The following IQGAP2 variants were observed in gnomAD, a reference collection of about 807,000 sequenced individuals.
IQGAP2 encodes IQ motif containing GTPase activating protein 2.
Under a neutral mutation model 201.3 loss-of-function variants are expected in IQGAP2, and 173 were observed. The ratio of observed to expected loss-of-function variants is 0.86; its 90% CI spans 0.76 to 0.98. The LOEUF (loss-of-function observed/expected upper bound fraction) is 0.98. IQGAP2 is among the 50% of genes least tolerant of loss of function. The probability of loss-of-function intolerance (pLI) is 0.00; values close to 1 mark genes in which losing one functional copy is unlikely to be tolerated. For synonymous variants in IQGAP2, 675 were observed against 673.9 expected, an observed-to-expected ratio of 1.00 and a Z score of -0.03; for missense variants, 1,687 against 1,864.8, an observed-to-expected ratio of 0.90 and a Z score of 1.76.
chr5:76,695,346 T>G (rs1746625963), intron 31 of IQGAP2, 108 bp from the exon 32 acceptor site: 1 of 864,464 alleles, frequency 1.2e-6, no homozygotes, highest in Non-Finnish European at 1.8e-6. Flanking sequence ...TCTCTGAACT[T>G]TGGCTGGAGG....
rs561212492 is a variant in IQGAP2, at chr5:76,403,888, T to C, written c.46+297T>C. Among the ~76,000 whole-genome samples, 2 of 152,132 alleles carry C rather than the reference T, an allele frequency of 1.3e-5. No individual in the cohort carries two copies. Among genetic ancestry groups the C allele is most frequent in the East Asian group, 3.9e-4 (2 of 5,148 alleles). The stretch of plus-strand genomic sequence containing the variant: ...CGCTCTGGGACAGACCAGGTTGGGA[T>C]TTTAGGGGTATCAGGTGAGGAGTCC... On this transcript the variant is annotated intron_variant, in intron 1 of 35. Coordinates refer to ENST00000274364, the MANE Select transcript of IQGAP2 (RefSeq NM_006633.5). This position sits in a 1 kb window ranked among gnomAD's most constrained non-coding sequence, Gnocchi z 4.8.
At chr5:76,668,589 C>T in intron 22 of IQGAP2, 92 bp from the exon 23 acceptor site, 1 of 972,644 alleles carries the variant, frequency 1.0e-6, no homozygotes, top group Non-Finnish European at 1.6e-6. Context: ...CATTGAAGAG[C>T]AGGGAATCAG....
At chr5:76,572,296 C>T (rs1745168248) in intron 4 of IQGAP2, among the ~76,000 whole-genome samples, 1 of 151,452 alleles carries the variant, frequency 6.6e-6, no homozygotes, top group Admixed American at 6.6e-5. Context: ...TCACTGCAAC[C>T]TCCGCCTCCC....
rs369846123 is a variant in IQGAP2, at chr5:76,483,929, T to A, written c.146+22260T>A. Among the ~76,000 whole-genome samples, 20 of 152,254 alleles carry A rather than the reference T, an allele frequency of 1.3e-4. No homozygotes were observed. The East Asian group carries it at 2.9e-3, about 22-fold the overall frequency. On this transcript the variant is annotated intron_variant, in intron 2 of 35. Coordinates refer to ENST00000274364, the MANE Select transcript of IQGAP2 (RefSeq NM_006633.5). ...GCAAGGGTCAAGGGAATAATAGCTT[T>A]TCCTTCTTCCTGAGAAGCCTTCTAG...
At chr5:76,481,337 C>T (rs1755783264) in intron 2 of IQGAP2, among the ~76,000 whole-genome samples, 1 of 151,960 alleles carries the variant, frequency 6.6e-6, no homozygotes, top group South Asian at 2.1e-4. Flanking sequence ...TTTATTTAAC[C>T]TAGTATATCC....
intron 2 of IQGAP2, among the ~76,000 whole-genome samples, chr5:76,548,437 G>A (rs1204300961): frequency 9.9e-5 from 15 of 152,234 alleles, no homozygotes; most frequent in Admixed American, 9.8e-4. Flanking sequence ...TTTAGTTTTA[G>A]AAAAGGTTTC....
At chr5:76,466,004 C>A (rs1243140004) in intron 2 of IQGAP2, among the ~76,000 whole-genome samples, 6 of 150,934 alleles carry the variant, frequency 4.0e-5, no homozygotes, top group Non-Finnish European at 1.5e-5. Flanking sequence ...CAGCTGCCTT[C>A]TTTTTTTTTA....
intron 2 of IQGAP2, among the ~76,000 whole-genome samples, chr5:76,525,250 G>A (rs975962883): frequency 2.6e-5 from 4 of 152,310 alleles, no homozygotes; most frequent in African/African-American, 9.6e-5. Flanking sequence ...ATTGTTTGCT[G>A]ATGGAAATTG....
intron 14 of IQGAP2, among the ~76,000 whole-genome samples, chr5:76,631,291 G>A (rs1372925639): frequency 6.6e-6 from 1 of 152,042 alleles, no homozygotes; most frequent in Non-Finnish European, 1.5e-5. Context: ...ATTTGCAATG[G>A]GATAAAATGC....
At chr5:76,530,121 T>C (rs1025872262) in intron 2 of IQGAP2, among the ~76,000 whole-genome samples, 18 of 152,172 alleles carry the variant, frequency 1.2e-4, no homozygotes, top group African/African-American at 4.3e-4. Context: ...TCCTTATAGT[T>C]TGAAAGCAGC....
At position 76,683,877 on chromosome 5, in the gene IQGAP2, G is replaced by C. The variant is rs751768407; in HGVS notation, c.3865G>C (p.Glu1289Gln). The C allele has an allele frequency of 6.2e-7, 1 of 1,613,276 alleles. No individual in the cohort carries two copies. Among genetic ancestry groups the C allele is most frequent in the South Asian group, 1.1e-5 (1 of 90,838 alleles). Residue 1289 changes from glutamate (E) to glutamine (Q), a missense_variant, in exon 30 of 36, where the codon GAG becomes CAG. Physicochemically the swap from Glu to Gln is conservative, Grantham distance 29. Transcript: ENST00000274364. The part of the protein sequence containing the change: ...SLVLTSKYDI[E>Q]DGEAIDSRSL... ...TGTCTTGACAAGCAAATATGACATA[G>C]AGGACGGTGAAGCTATAGATAGCCG... is the stretch of plus-strand genomic sequence containing the variant.
intron 1 of IQGAP2, among the ~76,000 whole-genome samples, chr5:76,422,759 G>A (rs1751796430): frequency 6.6e-6 from 1 of 152,158 alleles, no homozygotes; most frequent in East Asian, 1.9e-4. Context: ...CTAAGAAGTG[G>A]GGACCGGCTT....
intron 1 of IQGAP2, among the ~76,000 whole-genome samples, chr5:76,450,916 C>A (rs6859929): frequency 0.61 from 92,067 of 151,922 alleles, 30,097 homozygotes; most frequent in Non-Finnish European, 0.72. Context: ...TTTTGGCAAT[C>A]TTTTTTAAAT....
intron 17 of IQGAP2, among the ~76,000 whole-genome samples, chr5:76,641,852 T>C (rs189874191): frequency 1.6e-3 from 244 of 152,354 alleles, no homozygotes; most frequent in African/African-American, 5.6e-3. Flanking sequence ...AACATTTTTC[T>C]GTTGAAGACC....
At chr5:76,630,177 A>G (rs188003468) in intron 14 of IQGAP2, among the ~76,000 whole-genome samples, 112 of 152,330 alleles carry the variant, frequency 7.4e-4, no homozygotes, top group Non-Finnish European at 1.4e-3. Flanking sequence ...CAATGTCAGT[A>G]AAAAGTGACA....
intron 14 of IQGAP2, chr5:76,628,580 C>T: frequency 3.0e-6 from 1 of 336,420 alleles, no homozygotes. Flanking sequence ...ATTAAGATTC[C>T]TAAAAATATA....
intron 30 of IQGAP2, among the ~76,000 whole-genome samples, chr5:76,684,158 T>G (rs1745542480): frequency 6.6e-6 from 1 of 152,238 alleles, no homozygotes; most frequent in Non-Finnish European, 1.5e-5. Context: ...GTAATTTGAT[T>G]TTTTTCCTTT....
At chr5:76,474,576 TG>T (rs905725361) in intron 2 of IQGAP2, among the ~76,000 whole-genome samples, 1 of 152,166 alleles carries the variant, frequency 6.6e-6, no homozygotes, top group African/African-American at 2.4e-5. Flanking sequence ...CTTTTTTGTT[TG>T]TTTGTTTTTT....
chr5:76,531,033 T>G (rs935053369), intron 2 of IQGAP2, among the ~76,000 whole-genome samples: 1 of 152,234 alleles, frequency 6.6e-6, no homozygotes, highest in African/African-American at 2.4e-5. Context: ...CATTTTGTGC[T>G]GCTATAACAA....
Sources: allele counts gnomAD v4.1 joint callset (sites outside exome capture counted in the v4.1 genomes callset), GRCh38; gene constraint gnomAD v4.1.1; non-coding constraint Gnocchi (gnomAD v3.1); transcripts MANE v1.5; gene names NCBI Gene and HGNC (gene_info 2026-07-23, HGNC 2026-07-21).